Variants in CUX1 observed in about 807,000 individuals in gnomAD.
CUX1 encodes protein CASP.
In CUX1, 31 loss-of-function variants were observed where a neutral mutation model predicts 158.8. That is an observed-to-expected ratio of 0.20 (90% CI 0.15 to 0.26). The LOEUF is 0.26. CUX1 is among the 10% of genes least tolerant of loss of function. The pLI is 1.00. For synonymous variants in CUX1, 879 were observed against 862.1 expected, an observed-to-expected ratio of 1.02 and a Z score of -0.34; for missense variants, 1,589 against 2,014.6, an observed-to-expected ratio of 0.79 and a Z score of 4.04.
At chr7:102,165,374 A>T (rs570505634) in intron 9 of CUX1, among the ~76,000 whole-genome samples, 12 of 105,986 alleles carry the variant, frequency 1.1e-4, no homozygotes, top group South Asian at 3.2e-4. Flanking sequence ...TTTTTTTGAG[A>T]TGGAGTCTCA....
chr7:102,126,345 A>C (rs1832648815), intron 8 of CUX1, among the ~76,000 whole-genome samples: 2 of 152,098 alleles, frequency 1.3e-5, no homozygotes, highest in Non-Finnish European at 2.9e-5. Context: ...GGCCCGTGAC[A>C]TTATTTTTAA....
At chr7:101,998,480 T>C (rs1372294306) in intron 2 of CUX1, among the ~76,000 whole-genome samples, 1 of 152,128 alleles carries the variant, frequency 6.6e-6, no homozygotes, top group Non-Finnish European at 1.5e-5. Context: ...GCCCGGGCGG[T>C]GCCCCCAGCC....
intron 20 of CUX1, among the ~76,000 whole-genome samples, chr7:102,209,910 G>A (rs142745512): frequency 1.6e-3 from 244 of 152,026 alleles, no homozygotes; most frequent in African/African-American, 5.5e-3. Flanking sequence ...ATAGACAGAC[G>A]GGGACTCACT....
chr7:102,043,099 T>C (rs1383438096), intron 3 of CUX1, among the ~76,000 whole-genome samples: 6 of 152,160 alleles, frequency 3.9e-5, no homozygotes, highest in African/African-American at 1.4e-4. Context: ...TGTGGACGTG[T>C]GCCACCACGC....
chr7:101,938,812 G>A (rs1162500500), intron 2 of CUX1, among the ~76,000 whole-genome samples: 1 of 151,580 alleles, frequency 6.6e-6, no homozygotes, highest in Non-Finnish European at 1.5e-5. Context: ...AGGCTGAGGC[G>A]GGCAGATCAC....
At chr7:102,074,918 G>C (rs113024015) in intron 4 of CUX1, among the ~76,000 whole-genome samples, 5,396 of 152,286 alleles carry the variant, frequency 0.035, 318 homozygotes, top group African/African-American at 0.12. Context: ...AAGTGCAATG[G>C]TGTGATCTCC....
At chr7:102,125,644 G>A (rs1023729097) in intron 8 of CUX1, 1 of 146,476 alleles carries the variant, frequency 6.8e-6, no homozygotes, top group Admixed American at 6.9e-5. Flanking sequence ...GAATACTCCC[G>A]AGATCGCACC....
chr7:101,983,907 A>C (rs1813819729), intron 2 of CUX1, among the ~76,000 whole-genome samples: 1 of 151,078 alleles, frequency 6.6e-6, no homozygotes, highest in South Asian at 2.1e-4. Flanking sequence ...GGTGGCATGT[A>C]CCTGTAATCT....
chr7:102,265,438 G>A (rs782308629), intron 14 of CUX1, among the ~76,000 whole-genome samples: 64 of 151,810 alleles, frequency 4.2e-4, no homozygotes, highest in Non-Finnish European at 6.8e-4. Flanking sequence ...CACCCTACAA[G>A]GTCACTATTT....
intron 17 of CUX1, chr7:102,275,446 A>G: frequency 9.1e-7 from 1 of 1,097,854 alleles, no homozygotes; most frequent in Non-Finnish European, 1.3e-6. Flanking sequence ...GAGATGTGGC[A>G]CAGACCGTAA....
Position 102,147,171 on chromosome 7 carries a change from G to A in CUX1, c.675-11389G>A, listed in dbSNP as rs117395165. On this transcript the variant is annotated intron_variant, in intron 8 of 23. Transcript: ENST00000292535. ...CCGTGGAGTGTGACACATTTGATCC[G>A]GGGCTTGGCAGATGCAAGATGGCTT... Among the ~76,000 whole-genome samples, 8 of 152,228 alleles carry A rather than the reference G, an allele frequency of 5.3e-5. No individual in the cohort carries two copies. In the East Asian group the frequency reaches 1.4e-3, roughly 26 times the overall value.
At chr7:101,967,914 G>GT (rs1478248347) in intron 2 of CUX1, among the ~76,000 whole-genome samples, 2 of 151,992 alleles carry the variant, frequency 1.3e-5, no homozygotes, top group Non-Finnish European at 2.9e-5. Context: ...ATTTTTCTTT[G>GT]TTTTTTTGAG....
intron 1 of CUX1, among the ~76,000 whole-genome samples, chr7:101,832,854 C>T (rs1035985533): frequency 1.3e-5 from 2 of 151,972 alleles, no homozygotes; most frequent in African/African-American, 2.4e-5. Flanking sequence ...GTGGCCTGCT[C>T]CGGTGCCTCT....
intron 4 of CUX1, among the ~76,000 whole-genome samples, chr7:102,095,157 G>A (rs1214190971): frequency 1.3e-5 from 2 of 151,952 alleles, no homozygotes; most frequent in African/African-American, 4.8e-5. Context: ...ATGCCACCAT[G>A]CCTGGCTAGT....
chr7:102,098,807 ATTTT>A (rs112048598), intron 5 of CUX1, among the ~76,000 whole-genome samples: 2,601 of 67,744 alleles, frequency 0.038, 80 homozygotes, highest in Non-Finnish European at 0.052. Context: ...CGCCCAACTA[ATTTT>A]TTTTTTTTTT....
intron 2 of CUX1, among the ~76,000 whole-genome samples, chr7:101,980,940 C>G (rs1256762546): frequency 6.6e-6 from 1 of 152,190 alleles, no homozygotes; most frequent in Non-Finnish European, 1.5e-5. Context: ...ATGCTCTTTC[C>G]CCCTTTAGCT....
intron 1 of CUX1, among the ~76,000 whole-genome samples, chr7:101,897,509 A>G (rs1801643512): frequency 6.6e-6 from 1 of 151,432 alleles, no homozygotes; most frequent in Non-Finnish European, 1.5e-5. Flanking sequence ...CTTAAAAAAA[A>G]AAAATAATAA....
intron 7 of CUX1, among the ~76,000 whole-genome samples, chr7:102,112,816 C>G (rs1398593145): frequency 2.0e-5 from 3 of 152,158 alleles, no homozygotes; most frequent in Non-Finnish European, 1.5e-5. Flanking sequence ...AGTGAGCCAC[C>G]ACACCCAGCC....
intron 4 of CUX1, among the ~76,000 whole-genome samples, chr7:102,080,682 C>A (rs1018046289): frequency 1.3e-5 from 2 of 152,320 alleles, no homozygotes; most frequent in Non-Finnish European, 2.9e-5. Context: ...TCTCCACGCC[C>A]CCAGCCGAAT....
Sources: allele counts gnomAD v4.1 joint callset (sites outside exome capture counted in the v4.1 genomes callset), GRCh38; gene constraint gnomAD v4.1.1; transcripts MANE v1.5; gene names NCBI Gene and HGNC (gene_info 2026-07-23, HGNC 2026-07-21).